XYLB: variants seen among roughly 807,000 people sequenced by gnomAD.
The protein encoded by XYLB is xylulose kinase.
XYLB carries 62 observed loss-of-function variants against 78.7 expected under a neutral mutation model. The observed-to-expected ratio is 0.79, with a 90% CI of 0.64 to 0.97. The LOEUF is 0.97. Among genes scored for constraint, XYLB ranks in the 50% least tolerant of loss-of-function variants. XYLB has a pLI of 0.00. For synonymous variants in XYLB, 245 were observed against 247.4 expected (o/e 0.99, Z 0.09); for missense variants, 687 against 676.8 (o/e 1.02, Z -0.17).
intron 6 of XYLB, among the ~76,000 whole-genome samples, chr3:38,366,312 G>A (rs1049784898): frequency 6.6e-6 from 1 of 151,912 alleles, no homozygotes. Context: ...CTCACCTGGT[G>A]GCTTGGTCAG....
intron 15 of XYLB, among the ~76,000 whole-genome samples, chr3:38,385,664 C>G (rs1448123564): frequency 6.6e-6 from 1 of 152,184 alleles, no homozygotes; most frequent in Admixed American, 6.5e-5. Flanking sequence ...GCCCCTCGTC[C>G]TTTTGACATA....
Position 38,351,525 on chromosome 3 carries a change from T to G in XYLB, c.140+2893T>G, listed in dbSNP as rs539566809. 1.8e-4 allele frequency among the ~76,000 whole-genome samples: 28 copies of G among 152,346 alleles called. No individual in the cohort carries two copies. The South Asian group carries it at 4.1e-3, about 23-fold the overall frequency. On this transcript the variant is annotated intron_variant, in intron 2 of 18. Transcript: ENST00000207870. ...TGTGGGTTTTCTTTTTACAACTTTA[T>G]TAAGGTATAACTGATGTACAATACT... is the stretch of plus-strand genomic sequence containing the variant.
chr3:38,375,577 G>C (rs1451312561), intron 12 of XYLB, among the ~76,000 whole-genome samples: 1 of 152,128 alleles, frequency 6.6e-6, no homozygotes, highest in Non-Finnish European at 1.5e-5. Context: ...AGATGGGGAG[G>C]GTAAGAGCAT....
downstream of XYLB, among the ~76,000 whole-genome samples, chr3:38,422,446 T>C (rs534235011): frequency 6.6e-6 from 1 of 152,276 alleles, no homozygotes; most frequent in South Asian, 2.1e-4. Flanking sequence ...ATCCTACCTG[T>C]GAAATAACTA....
At position 38,412,931 on chromosome 3, in the gene XYLB, T is replaced by C; in HGVS notation, c.1534-5T>C. 6.2e-7 allele frequency: 1 copy of C among 1,602,550 alleles called. No individual in the cohort carries two copies. The highest frequency in any genetic ancestry group is 8.5e-7 in the Non-Finnish European group (1 of 1,175,152). ...TGTTCTAAACTGCTTTTTCTGCCCT[T>C]CTAGGTCTACGAGGCCCTTCTCCCC... On this transcript the variant is annotated splice_polypyrimidine_tract_variant and splice_region_variant and intron_variant, in intron 18 of 18. Coordinates refer to ENST00000207870, the MANE Select transcript of XYLB (RefSeq NM_005108.4).
chr3:38,379,371 C>T (rs370135481), intron 15 of XYLB, 29 bp downstream of exon 15: 63 of 1,610,856 alleles, frequency 3.9e-5, no homozygotes, highest in Middle Eastern at 1.6e-4. Flanking sequence ...GCATGTGTCC[C>T]GGGGTGGGGG....
intron 6 of XYLB, among the ~76,000 whole-genome samples, chr3:38,366,431 C>T (rs1381874809): frequency 1.3e-5 from 2 of 152,196 alleles, no homozygotes; most frequent in Non-Finnish European, 2.9e-5. Flanking sequence ...CTTCTCTATC[C>T]TGTGGGTGCA....
At chr3:38,419,598 ATATAT>A (rs1559628784), downstream of XYLB, among the ~76,000 whole-genome samples, 14 of 123,290 alleles carry the variant, frequency 1.1e-4, 2 homozygotes, top group Middle Eastern at 8.1e-3. Context: ...ATATATATAT[ATATAT>A]AATAGCCATC....
chr3:38,440,988 T>C, the XYLB span, among the ~76,000 whole-genome samples: 13 of 151,684 alleles, frequency 8.6e-5, no homozygotes, highest in Admixed American at 2.6e-4. Context: ...TCTTTCCCCC[T>C]CTCTCTCTCT....
At chr3:38,387,321 TTC>T (rs943496973) in intron 15 of XYLB, among the ~76,000 whole-genome samples, 1 of 152,056 alleles carries the variant, frequency 6.6e-6, no homozygotes, top group African/African-American at 2.4e-5. Context: ...TTTTTTTTTT[TTC>T]TCTCTCTCCC....
intron 18 of XYLB, among the ~76,000 whole-genome samples, chr3:38,410,589 G>A (rs1198740210): frequency 6.6e-6 from 1 of 152,136 alleles, no homozygotes; most frequent in African/African-American, 2.4e-5. Flanking sequence ...CCATCAGAGC[G>A]AACAGGTAAC....
At chr3:38,400,457 A>G (rs1247012900) in intron 17 of XYLB, among the ~76,000 whole-genome samples, 2 of 152,124 alleles carry the variant, frequency 1.3e-5, no homozygotes, top group Non-Finnish European at 2.9e-5. Flanking sequence ...AGTGGAAAGA[A>G]CATTCCATAC....
At position 38,375,134 on chromosome 3, in the gene XYLB, C is replaced by T. The variant is rs983451506; in HGVS notation, c.889-10C>T. The T allele has an allele frequency of 5.0e-6, 8 of 1,611,768 alleles. No individual in the cohort carries two copies. Among genetic ancestry groups the T allele is most frequent in the Non-Finnish European group, 6.8e-6 (8 of 1,178,666 alleles). ...GCCCAAGGTGCCCACCTCTGCCTATCTCTCCTCAGGTCAGCCTGGGCACCA... is the reference window on the plus strand; with the variant it reads ...GCCCAAGGTGCCCACCTCTGCCTATTTCTCCTCAGGTCAGCCTGGGCACCA... On this transcript the variant is annotated splice_polypyrimidine_tract_variant and intron_variant, in intron 11 of 18. Transcript: ENST00000207870.
At chr3:38,433,176 G>T in the XYLB span, among the ~76,000 whole-genome samples, 2 of 152,236 alleles carry the variant, frequency 1.3e-5, no homozygotes, top group African/African-American at 4.8e-5. Flanking sequence ...CTCAGGGCTT[G>T]CACCCTCTGA....
At chr3:38,378,836 A>T (rs751359796) in intron 14 of XYLB, among the ~76,000 whole-genome samples, 2 of 148,240 alleles carry the variant, frequency 1.3e-5, no homozygotes, top group Non-Finnish European at 3.0e-5. Flanking sequence ...TATGTACTGC[A>T]TTTTCCAGGC....
At chr3:38,352,369 AG>A (rs1265719218) in intron 2 of XYLB, among the ~76,000 whole-genome samples, 1 of 152,214 alleles carries the variant, frequency 6.6e-6, no homozygotes, top group African/African-American at 2.4e-5. Flanking sequence ...AGAACACAGA[AG>A]TTTTTATGTA....
rs1706215707 is a variant in XYLB at position 38,365,668 on chromosome 3, C to T, written c.439C>T (p.Arg147Cys). The T allele has an allele frequency of 1.1e-5, 17 of 1,613,864 alleles. No homozygotes were observed. Among genetic ancestry groups the T allele is most frequent in the Middle Eastern group, 1.6e-4 (1 of 6,080 alleles). The change falls in exon 6 of 19, where the codon CGC becomes TGC. Residue 147 changes from arginine to cysteine, a missense_variant. Coordinates refer to ENST00000207870, the MANE Select transcript of XYLB (RefSeq NM_005108.4). ...GGACTCCAGCACCACAGCCCAGTGC[C>T]GCCAGCTGGAGGCTGCTGTGGGTGG... ...WMDSSTTAQC[R>C]QLEAAVGGAQ...
At chr3:38,369,171 T>C (rs1706414221) in intron 8 of XYLB, among the ~76,000 whole-genome samples, 1 of 152,152 alleles carries the variant, frequency 6.6e-6, no homozygotes, top group Non-Finnish European at 1.5e-5. Context: ...GGCTGTTGTA[T>C]GCCAGGCTTT....
chr3:38,441,054 C>T, the XYLB span, among the ~76,000 whole-genome samples: 21 of 152,072 alleles, frequency 1.4e-4, no homozygotes, highest in African/African-American at 3.6e-4. Flanking sequence ...CTCTACCAGC[C>T]GCTTATGCTG....
Sources: gnomAD v4.1 joint callset for allele counts (sites outside exome capture counted in the v4.1 genomes callset) on GRCh38, gnomAD v4.1.1 for gene constraint, MANE v1.5 for transcripts, NCBI Gene and HGNC (gene_info 2026-07-23, HGNC 2026-07-21) for gene names.